NFKBIZ: variants seen among roughly 807,000 people sequenced by gnomAD.
NFKBIZ encodes the protein NF-kappa-B inhibitor zeta.
Under a neutral mutation model 76.8 loss-of-function variants are expected in NFKBIZ, and 19 were observed. The observed-to-expected ratio is 0.25, with a 90% CI of 0.17 to 0.36. The LOEUF (loss-of-function observed/expected upper bound fraction) is 0.36. Among genes scored for constraint, NFKBIZ ranks in the 10% least tolerant of loss-of-function variants. The pLI, the probability that NFKBIZ is intolerant of heterozygous loss-of-function variation, is 1.00. For synonymous variants in NFKBIZ, 368 were observed against 354.8 expected, an observed-to-expected ratio of 1.04 and a Z score of -0.42; for missense variants, 829 against 910.9, an observed-to-expected ratio of 0.91 and a Z score of 1.16.
At position 101,849,914 on chromosome 3, in the gene NFKBIZ, C is replaced by G; in HGVS notation, c.286C>G (p.Pro96Ala). Residue 96 changes from proline to alanine, a missense_variant, in exon 1 of 12, where the codon CCA becomes GCA. By Grantham distance (27) the Pro-to-Ala change is conservative (BLOSUM62 -1). Transcript: ENST00000326172. ...SRGGARAERQ[P>A]VEPHMGVGRQ... is the part of the protein sequence containing the mutation. Reference sequence around the variant, plus strand: ...AGGCGGCGCCCGCGCCGAGCGCCAGCCAGGTACCCGCCGGCCCCGCACCGC... The same window carrying G: ...AGGCGGCGCCCGCGCCGAGCGCCAGGCAGGTACCCGCCGGCCCCGCACCGC... The G allele has an allele frequency of 7.0e-7, 1 of 1,420,818 alleles. No homozygotes were observed. 88.0% of individuals were successfully genotyped at this position (1,420,818 alleles called of 1,614,324 possible).
intron 11 of NFKBIZ, 118 bp downstream of exon 11, chr3:101,857,577 G>A: frequency 6.6e-7 from 1 of 1,503,818 alleles, no homozygotes. Context: ...CTCTATCAGT[G>A]TCTGTGTCTC....
intron 1 of NFKBIZ, among the ~76,000 whole-genome samples, chr3:101,829,234 C>T (rs1345272521): frequency 6.6e-6 from 1 of 152,300 alleles, no homozygotes; most frequent in East Asian, 1.9e-4. Context: ...TGGAGCACTG[C>T]GGTGGCAGAG....
intron 8 of NFKBIZ, 59 bp from the exon 9 acceptor site, chr3:101,855,674 G>T: frequency 6.6e-7 from 1 of 1,517,560 alleles, no homozygotes; most frequent in Non-Finnish European, 8.9e-7. Flanking sequence ...TGTCATTATA[G>T]AAGGACCAAA....
Position 101,852,741 on chromosome 3 carries a change from C to G in NFKBIZ, c.433C>G (p.Gln145Glu), listed in dbSNP as rs1458944107. 2 of 1,605,312 alleles carry G rather than the reference C, an allele frequency of 1.2e-6. No individual in the cohort carries two copies. Among genetic ancestry groups the G allele is most frequent in the Non-Finnish European group, 1.7e-6 (2 of 1,177,350 alleles). ...TTGGAAACTTTTTTCTTTATAGACACAAGGTGTGAACATAGAACAGTTCAG... is the reference window on the plus strand; with the variant it reads ...TTGGAAACTTTTTTCTTTATAGACAGAAGGTGTGAACATAGAACAGTTCAG... ...SGQAVDDFKT[Q>E]GVNIEQFREL... The change falls in exon 3 of 12, where the codon CAA (glutamine) becomes GAA (glutamate). Residue 145 changes from glutamine to glutamate, a missense_variant. By Grantham distance (29) the Gln-to-Glu change is conservative (BLOSUM62 2). This residue lies in a region of NFKBIZ where 371 missense variants were observed against 332.3 expected (regional missense o/e 1.12). Coordinates refer to ENST00000326172, the MANE Select transcript of NFKBIZ (RefSeq NM_031419.4).
intron 9 of NFKBIZ, among the ~76,000 whole-genome samples, chr3:101,856,450 T>C (rs1330294559): frequency 1.3e-5 from 2 of 152,244 alleles, no homozygotes; most frequent in Non-Finnish European, 2.9e-5. Flanking sequence ...AAATAAATAG[T>C]CTTTGAAAGG....
chr3:101,850,863 G>T (rs963529930), intron 1 of NFKBIZ, among the ~76,000 whole-genome samples: 1 of 152,220 alleles, frequency 6.6e-6, no homozygotes, highest in Non-Finnish European at 1.5e-5. Flanking sequence ...GAAAGAATAT[G>T]TGTTTAGGAC....
upstream of NFKBIZ, among the ~76,000 whole-genome samples, chr3:101,846,359 T>C (rs947452305): frequency 2.0e-5 from 3 of 152,248 alleles, no homozygotes; most frequent in Non-Finnish European, 2.9e-5. Context: ...TATTTCAACA[T>C]TTACATAAAG....
chr3:101,830,893 A>G (rs968167161), intron 2 of NFKBIZ, among the ~76,000 whole-genome samples: 6 of 152,234 alleles, frequency 3.9e-5, no homozygotes, highest in East Asian at 1.9e-4. Flanking sequence ...TTCTCTATAC[A>G]TGATACCAAA....
chr3:101,854,134 G>A (rs1234273678), intron 5 of NFKBIZ, among the ~76,000 whole-genome samples: 1 of 152,160 alleles, frequency 6.6e-6, no homozygotes, highest in Non-Finnish European at 1.5e-5. Context: ...GAAGACCAGC[G>A]TAGACTATGT....
chr3:101,841,716 T>TA (rs1942788131), intron 2 of NFKBIZ, among the ~76,000 whole-genome samples: 1 of 152,230 alleles, frequency 6.6e-6, no homozygotes, highest in Non-Finnish European at 1.5e-5. Flanking sequence ...TATAAGATGA[T>TA]ATCTGTTTTG....
At chr3:101,849,487 A>G (rs1942910582), upstream of NFKBIZ, 2 of 682,104 alleles carry the variant, frequency 2.9e-6, no homozygotes, top group Non-Finnish European at 2.0e-6. Flanking sequence ...GGCCCGTTAA[A>G]TACCCTGGCA....
At chr3:101,856,829 T>A (rs1204016154) in intron 9 of NFKBIZ, 2 of 398,874 alleles carry the variant, frequency 5.0e-6, no homozygotes, top group Non-Finnish European at 9.0e-6. Context: ...TTCTACATTT[T>A]ATGGCCACCC....
Position 101,837,187 on chromosome 3 carries a change from CT to C in NFKBIZ, c.-12+7502del, listed in dbSNP as rs145914730. Reference sequence around the variant, plus strand: ...TAGGCATTTAAACCAAGTCCACTCTCTTTCCTTTTTCTAAGGGATCATAATC... The same window carrying C: ...TAGGCATTTAAACCAAGTCCACTCTCTTCCTTTTTCTAAGGGATCATAATC... On this transcript the variant is annotated intron_variant, in intron 2 of 12. Coordinates refer to the NFKBIZ transcript ENST00000394054. 7.5e-3 allele frequency among the ~76,000 whole-genome samples: 1,140 copies of C among 152,278 alleles called. 26 individuals are homozygous for C. Among genetic ancestry groups the C allele is most frequent in the African/African-American group, 0.026 (1,096 of 41,552 alleles).
At chr3:101,849,429 G>C (rs1942909015), upstream of NFKBIZ, 1 of 385,796 alleles carries the variant, frequency 2.6e-6, no homozygotes, top group South Asian at 1.2e-4. Context: ...GGCGGCCCGG[G>C]CACCGCCAAT....
chr3:101,852,382 T>C (rs1006173637), intron 2 of NFKBIZ, among the ~76,000 whole-genome samples, 158 bp downstream of exon 2: 1 of 152,236 alleles, frequency 6.6e-6, no homozygotes, highest in African/African-American at 2.4e-5. Flanking sequence ...GTCTGGTCTG[T>C]TGTATCCTCC....
At chr3:101,855,659 G>A (rs677011) in intron 8 of NFKBIZ, 74 bp from the exon 9 acceptor site, 949,252 of 1,463,558 alleles carry the variant, frequency 0.65, 311,963 homozygotes, top group Admixed American at 0.73. Flanking sequence ...GCCATCCTCA[G>A]CATTTGTCAT....
At chr3:101,856,022 G>A in intron 9 of NFKBIZ, 120 bp downstream of exon 9, 1 of 934,316 alleles carries the variant, frequency 1.1e-6, no homozygotes, top group Admixed American at 3.2e-5. Context: ...AATGGTGTGA[G>A]TAGCAATGTA....
intron 2 of NFKBIZ, among the ~76,000 whole-genome samples, chr3:101,843,256 C>T (rs893507288): frequency 6.6e-6 from 1 of 151,562 alleles, no homozygotes; most frequent in Non-Finnish European, 1.5e-5. Context: ...GCAACACAGC[C>T]AGACCCCATC....
At chr3:101,831,005 CTGTT>C (rs1318268733) in intron 2 of NFKBIZ, among the ~76,000 whole-genome samples, 6 of 152,186 alleles carry the variant, frequency 3.9e-5, no homozygotes, top group South Asian at 2.1e-4. Context: ...GATTTTTTCA[CTGTT>C]TGTTCAGATA....
Sources: gnomAD v4.1 joint callset for allele counts (sites outside exome capture counted in the v4.1 genomes callset) on GRCh38, gnomAD v4.1.1 for gene constraint, gnomAD v4.1.1 regional missense constraint, MANE v1.5 for transcripts, NCBI Gene and HGNC (gene_info 2026-07-23, HGNC 2026-07-21) for gene names.